LRRC3B: variants seen among roughly 807,000 people sequenced by gnomAD.
The protein encoded by LRRC3B is leucine rich repeat containing 3B, also known as leucine-rich repeat-containing protein 3B.
Under a neutral mutation model 12.8 loss-of-function variants are expected in LRRC3B, and 2 were observed. The observed-to-expected ratio is 0.16, with a 90% confidence interval of 0.06 to 0.49. The LOEUF is 0.49. Among genes scored for constraint, LRRC3B ranks in the 20% least tolerant of loss-of-function variants. The probability of loss-of-function intolerance (pLI) is 0.96; values close to 1 mark genes in which losing one functional copy is unlikely to be tolerated. For synonymous variants in LRRC3B, 132 were observed against 122.0 expected, an observed-to-expected ratio of 1.08 and a Z score of -0.54; for missense variants, 189 against 319.4, an observed-to-expected ratio of 0.59 and a Z score of 3.11.
At chr3:26,636,828 C>CCCTCCCTCCCTG (rs1241172550) in intron 1 of LRRC3B, among the ~76,000 whole-genome samples, 1 of 83,300 alleles carries the variant, frequency 1.2e-5, no homozygotes, top group Non-Finnish European at 2.2e-5. Flanking sequence ...CTCCCTCCCT[C>CCCTCCCTCCCTG]CCTCCCTCCC....
chr3:26,646,619 A>ACGG (rs1699153662), intron 1 of LRRC3B, among the ~76,000 whole-genome samples: 1 of 68,118 alleles, frequency 1.5e-5, no homozygotes, highest in Admixed American at 1.7e-4. Context: ...AAAAAAAAAA[A>ACGG]AAAAAAAAAA....
chr3:26,658,668 G>A (rs1575134822), intron 1 of LRRC3B, among the ~76,000 whole-genome samples: 1 of 152,334 alleles, frequency 6.6e-6, no homozygotes, highest in African/African-American at 2.4e-5. Flanking sequence ...ACCAGGCTGC[G>A]CCTGTGAAAA....
chr3:26,635,803 G>A (rs1470553645), intron 1 of LRRC3B, among the ~76,000 whole-genome samples: 1 of 152,126 alleles, frequency 6.6e-6, no homozygotes, highest in African/African-American at 2.4e-5. Flanking sequence ...CACATAATTG[G>A]CACTCAGTAA....
intron 1 of LRRC3B, among the ~76,000 whole-genome samples, chr3:26,662,486 C>G (rs1270579941): frequency 2.0e-5 from 3 of 152,104 alleles, no homozygotes; most frequent in African/African-American, 7.2e-5. Flanking sequence ...AGCCCCAGCC[C>G]CTCCTCTGAA....
At chr3:26,702,458 G>C (rs1339485259) in intron 1 of LRRC3B, among the ~76,000 whole-genome samples, 2 of 150,136 alleles carry the variant, frequency 1.3e-5, no homozygotes, top group African/African-American at 4.9e-5. Context: ...CTATTCTACA[G>C]TGTAGAGATC....
intron 1 of LRRC3B, among the ~76,000 whole-genome samples, chr3:26,651,491 T>C (rs1699263696): frequency 6.6e-6 from 1 of 152,210 alleles, no homozygotes; most frequent in African/African-American, 2.4e-5. Context: ...GTCTCCTCTG[T>C]TACTCTCTAA....
chr3:26,685,983 T>C (rs1424819017), intron 1 of LRRC3B, among the ~76,000 whole-genome samples: 1 of 152,206 alleles, frequency 6.6e-6, no homozygotes, highest in Non-Finnish European at 1.5e-5. Flanking sequence ...TTAGGCTTAG[T>C]TAAAAAAAGT....
At chr3:26,681,131 G>A (rs1575156525) in intron 1 of LRRC3B, among the ~76,000 whole-genome samples, 9 of 152,180 alleles carry the variant, frequency 5.9e-5, no homozygotes, top group Admixed American at 5.9e-4. Flanking sequence ...TATAGTTTCT[G>A]TTCTTATTGA....
chr3:26,642,066 A>G (rs2125408416), intron 1 of LRRC3B, among the ~76,000 whole-genome samples: 1 of 152,334 alleles, frequency 6.6e-6, no homozygotes, highest in South Asian at 2.1e-4. Context: ...GAAGAGTGGT[A>G]TTATTGTATA....
chr3:26,707,925 G>A (rs1700642938), intron 1 of LRRC3B, among the ~76,000 whole-genome samples: 1 of 152,122 alleles, frequency 6.6e-6, no homozygotes, highest in South Asian at 2.1e-4. Context: ...TCTCTCTTTA[G>A]CATTCTCTGG....
At chr3:26,671,257 C>T (rs1378167056) in intron 1 of LRRC3B, among the ~76,000 whole-genome samples, 12 of 144,976 alleles carry the variant, frequency 8.3e-5, no homozygotes, top group Middle Eastern at 7.1e-3. Context: ...CCTCGTGATC[C>T]GCCCGCCTCG....
At chr3:26,697,253 G>A (rs894945108) in intron 1 of LRRC3B, among the ~76,000 whole-genome samples, 16 of 152,126 alleles carry the variant, frequency 1.1e-4, no homozygotes, top group African/African-American at 3.9e-4. Flanking sequence ...AATCAATTTT[G>A]GGGGTATGGC....
chr3:26,709,960 C>T (rs755305899), exon 2 of LRRC3B: 2 of 1,614,054 alleles, frequency 1.2e-6, no homozygotes, highest in Non-Finnish European at 1.7e-6. Flanking sequence ...TCAACCTGTC[C>T]AAAAATGGCA....
chr3:26,651,018 G>A (rs1553602322), intron 1 of LRRC3B, among the ~76,000 whole-genome samples: 1 of 152,230 alleles, frequency 6.6e-6, no homozygotes, highest in African/African-American at 2.4e-5. Flanking sequence ...GTCCACACTT[G>A]TGGTGTTTAT....
At chr3:26,636,916 CTCTTTCTTTCTTTCTTTCTTTCTT>C (rs559017147) in intron 1 of LRRC3B, among the ~76,000 whole-genome samples, 7 of 71,070 alleles carry the variant, frequency 9.8e-5, no homozygotes, top group African/African-American at 4.2e-4. Flanking sequence ...CTCTCTTTCT[CTCTTTCTTTCTTTCTTTCTTTCTT>C]TCTTTCTTTC....
At chr3:26,629,365 C>T (rs889275917) in intron 1 of LRRC3B, among the ~76,000 whole-genome samples, 4 of 152,158 alleles carry the variant, frequency 2.6e-5, no homozygotes, top group South Asian at 2.1e-4. Context: ...CGTCCTCTGG[C>T]GAGGACAGTG....
Position 26,684,655 on chromosome 3 carries a change from T to A in LRRC3B, c.-160-24858T>A, listed in dbSNP as rs1700036371. Among the ~76,000 whole-genome samples the A allele has an allele frequency of 3.3e-5, 5 of 152,302 alleles. 1 individual carries two copies. The South Asian group carries it at 1.0e-3, about 32-fold the overall frequency. Reference sequence around the variant, plus strand: ...AGAGACTAAAAGGGGGCCAAACTTGTCCTTTTTTAATGGCATTAATCCACC... The same window carrying A: ...AGAGACTAAAAGGGGGCCAAACTTGACCTTTTTTAATGGCATTAATCCACC... On this transcript the variant is annotated intron_variant, in intron 1 of 1. Coordinates refer to ENST00000396641, the Ensembl canonical transcript of LRRC3B.
chr3:26,665,732 C>A (rs1699584724), intron 1 of LRRC3B, among the ~76,000 whole-genome samples: 1 of 152,042 alleles, frequency 6.6e-6, no homozygotes, highest in South Asian at 2.1e-4. Context: ...TGTTGAAATT[C>A]CAGTCAAATC....
chr3:26,691,842 T>TTAAC (rs1462667637), intron 1 of LRRC3B, among the ~76,000 whole-genome samples: 2 of 152,248 alleles, frequency 1.3e-5, no homozygotes, highest in African/African-American at 4.8e-5. Context: ...TATTCCTGAA[T>TTAAC]TAACAGAATG....
Sources: gnomAD v4.1 joint callset for allele counts (sites outside exome capture counted in the v4.1 genomes callset) on GRCh38, gnomAD v4.1.1 for gene constraint, MANE v1.5 for transcripts, NCBI Gene and HGNC (gene_info 2026-07-23, HGNC 2026-07-21) for gene names.